The following ZNF609 variants were observed in gnomAD, a reference collection of about 807,000 sequenced individuals.
The protein encoded by ZNF609 is zinc finger protein 609.
Under a neutral mutation model 109.5 loss-of-function variants are expected in ZNF609, and 11 were observed. That is an observed-to-expected ratio of 0.10 (90% CI 0.06 to 0.17). The LOEUF (loss-of-function observed/expected upper bound fraction) is 0.17, where lower values mean the gene tolerates loss of function less well. Ranked by LOEUF, ZNF609 falls within the 10% of genes least tolerant of loss-of-function variation. The pLI is 1.00. For synonymous variants in ZNF609, 646 were observed against 662.0 expected (o/e 0.98, Z 0.37); for missense variants, 1,559 against 1,772.4 (o/e 0.88, Z 2.16).
At chr15:64,671,976 G>C (rs1207885286) in intron 4 of ZNF609, among the ~76,000 whole-genome samples, 1 of 147,804 alleles carries the variant, frequency 6.8e-6, no homozygotes, top group East Asian at 2.0e-4. Flanking sequence ...AATTTTCAGA[G>C]ATGCTGGGCC....
Position 64,519,063 on chromosome 15 carries a change from T to C in ZNF609, c.747+18897T>C, listed in dbSNP as rs1169193470. 2.3e-5 allele frequency among the ~76,000 whole-genome samples: 3 copies of C among 131,758 alleles called. No individual in the cohort carries two copies. In the East Asian group the frequency reaches 7.1e-4, roughly 31 times the overall value. 86.4% of individuals were successfully genotyped at this position (131,758 alleles called of 152,430 possible). ...CTATTAAAATTATAAAAGTGAAAGT[T>C]ATAGGATGCTGAGAGCCTATAATTA... On this transcript the variant is annotated intron_variant, in intron 2 of 9. Coordinates refer to ENST00000326648, the MANE Select transcript of ZNF609 (RefSeq NM_015042.2).
chr15:64,566,228 A>G (rs481879), intron 2 of ZNF609, among the ~76,000 whole-genome samples: 145,701 of 152,302 alleles, frequency 0.96, 69,935 homozygotes, highest in East Asian at 1. Flanking sequence ...GTCTTGGGAG[A>G]CTGAGGCAGG....
At chr15:64,679,574 C>G (rs999832921) in intron 6 of ZNF609, among the ~76,000 whole-genome samples, 14 of 152,150 alleles carry the variant, frequency 9.2e-5, no homozygotes, top group African/African-American at 3.4e-4. Context: ...TAGAAATAAG[C>G]TTTTCAAACA....
At chr15:64,508,383 T>C (rs1893666329) in intron 2 of ZNF609, among the ~76,000 whole-genome samples, 1 of 152,214 alleles carries the variant, frequency 6.6e-6, no homozygotes, top group Non-Finnish European at 1.5e-5. Flanking sequence ...CTGGATTTCA[T>C]GTGCCTTCAT....
chr15:64,615,662 C>T (rs2140965485), intron 2 of ZNF609, among the ~76,000 whole-genome samples: 1 of 151,826 alleles, frequency 6.6e-6, no homozygotes, highest in Non-Finnish European at 1.5e-5. Flanking sequence ...AATTTTTGTA[C>T]TTATAGTAGA....
At chr15:64,583,419 GCT>G (rs1398203751) in intron 2 of ZNF609, among the ~76,000 whole-genome samples, 2 of 152,022 alleles carry the variant, frequency 1.3e-5, no homozygotes, top group African/African-American at 2.4e-5. Context: ...TGTTTTAGAA[GCT>G]CTGTTTTCAT....
chr15:64,491,715 C>T (rs913855768), intron 1 of ZNF609, among the ~76,000 whole-genome samples: 5 of 152,020 alleles, frequency 3.3e-5, no homozygotes, highest in African/African-American at 9.7e-5. Context: ...AGTATGGTGG[C>T]GCCCCTCCAA....
At chr15:64,591,436 A>C (rs1025550417) in intron 2 of ZNF609, among the ~76,000 whole-genome samples, 2 of 151,972 alleles carry the variant, frequency 1.3e-5, no homozygotes, top group African/African-American at 4.8e-5. Flanking sequence ...TCAAAAAACA[A>C]ACAAACAAAC....
At chr15:64,580,075 A>G (rs895763865) in intron 2 of ZNF609, among the ~76,000 whole-genome samples, 3 of 152,220 alleles carry the variant, frequency 2.0e-5, no homozygotes, top group Non-Finnish European at 4.4e-5. Flanking sequence ...ATGTAATCAC[A>G]AGGGTTCTTG....
At chr15:64,518,560 T>G (rs910804630) in intron 2 of ZNF609, among the ~76,000 whole-genome samples, 5 of 152,168 alleles carry the variant, frequency 3.3e-5, no homozygotes, top group African/African-American at 1.2e-4. Flanking sequence ...CAGTGATTGA[T>G]TTTTGAGTTT....
intron 5 of ZNF609, among the ~76,000 whole-genome samples, chr15:64,677,790 G>C (rs1896827860): frequency 6.6e-6 from 1 of 152,118 alleles, no homozygotes; most frequent in African/African-American, 2.4e-5. Flanking sequence ...AAACATATTG[G>C]AAGGGGCAGC....
chr15:64,482,726 A>G (rs1893273211), intron 1 of ZNF609, among the ~76,000 whole-genome samples: 1 of 152,236 alleles, frequency 6.6e-6, no homozygotes, highest in Non-Finnish European at 1.5e-5. Context: ...CACATATGAC[A>G]GATCATTAAT....
chr15:64,515,599 T>G (rs1047879950), intron 2 of ZNF609, among the ~76,000 whole-genome samples: 1 of 152,006 alleles, frequency 6.6e-6, no homozygotes, highest in African/African-American at 2.4e-5. Flanking sequence ...ACTTAAAGGC[T>G]TAAAATAATG....
intron 2 of ZNF609, among the ~76,000 whole-genome samples, chr15:64,597,322 A>C (rs1025346660): frequency 1.3e-5 from 2 of 152,188 alleles, no homozygotes; most frequent in African/African-American, 4.8e-5. Flanking sequence ...AGAGAGAGAC[A>C]AATGAGAGCA....
At chr15:64,538,614 T>C (rs1313510443) in intron 2 of ZNF609, among the ~76,000 whole-genome samples, 3 of 152,212 alleles carry the variant, frequency 2.0e-5, no homozygotes, top group Non-Finnish European at 4.4e-5. Flanking sequence ...TGGGGCGATC[T>C]TGGCTCACCG....
intron 2 of ZNF609, among the ~76,000 whole-genome samples, chr15:64,523,497 C>T (rs1282441115): frequency 6.6e-6 from 1 of 152,004 alleles, no homozygotes; most frequent in Admixed American, 6.6e-5. Flanking sequence ...TATTATAGGC[C>T]GGGCACAGTG....
At chr15:64,663,303 A>G (rs889519429) in intron 3 of ZNF609, among the ~76,000 whole-genome samples, 4 of 152,218 alleles carry the variant, frequency 2.6e-5, no homozygotes, top group African/African-American at 4.8e-5. Flanking sequence ...GGACATGGAT[A>G]GTAGGAGAGG....
chr15:64,494,152 A>G (rs1402448940), intron 1 of ZNF609, among the ~76,000 whole-genome samples: 1 of 152,242 alleles, frequency 6.6e-6, no homozygotes, highest in Non-Finnish European at 1.5e-5. Context: ...ACCAAAGATC[A>G]GTCCTTGGGA....
At chr15:64,616,378 G>T (rs1277792397) in intron 2 of ZNF609, among the ~76,000 whole-genome samples, 1 of 152,054 alleles carries the variant, frequency 6.6e-6, no homozygotes, top group African/African-American at 2.4e-5. Context: ...AGAGGCAGTT[G>T]AAGTAGGTAT....
Sources: gnomAD v4.1 joint callset for allele counts (sites outside exome capture counted in the v4.1 genomes callset) on GRCh38, gnomAD v4.1.1 for gene constraint, MANE v1.5 for transcripts, NCBI Gene and HGNC (gene_info 2026-07-23, HGNC 2026-07-21) for gene names.